The following RASGEF1B variants were observed in gnomAD, a reference collection of about 807,000 sequenced individuals.
The protein encoded by RASGEF1B is ras-GEF domain-containing family member 1B.
RASGEF1B carries 30 observed loss-of-function variants against 65.7 expected under a neutral mutation model. That is an observed-to-expected ratio of 0.46 (90% CI 0.34 to 0.62). RASGEF1B has a LOEUF of 0.62. RASGEF1B is among the 20% of genes least tolerant of loss of function. RASGEF1B has a pLI of 0.01. For synonymous variants in RASGEF1B, 175 were observed against 194.8 expected, an observed-to-expected ratio of 0.90 and a Z score of 0.85; for missense variants, 495 against 580.1, an observed-to-expected ratio of 0.85 and a Z score of 1.51.
intron 1 of RASGEF1B, among the ~76,000 whole-genome samples, chr4:81,466,629 G>T (rs2109999137): frequency 6.6e-6 from 1 of 151,404 alleles, no homozygotes; most frequent in East Asian, 1.9e-4. Flanking sequence ...CGTGGTGGCG[G>T]GTGCCTGTAG....
chr4:81,429,365 T>C (rs1721337474), intron 13 of RASGEF1B, among the ~76,000 whole-genome samples: 1 of 152,192 alleles, frequency 6.6e-6, no homozygotes, highest in Non-Finnish European at 1.5e-5. Flanking sequence ...AACTGTCTTT[T>C]ATACCAAAGA....
At chr4:81,457,976 T>C (rs1722506259) in intron 2 of RASGEF1B, among the ~76,000 whole-genome samples, 1 of 152,190 alleles carries the variant, frequency 6.6e-6, no homozygotes, top group African/African-American at 2.4e-5. Flanking sequence ...TACTTGAATA[T>C]ACTACCCATA....
rs753056411 is a variant in RASGEF1B at position 81,457,488 on chromosome 4, T to C, written c.300+11A>G. The C allele has an allele frequency of 1.2e-5, 20 of 1,611,452 alleles. No individual in the cohort carries two copies. Among genetic ancestry groups the C allele is most frequent in the South Asian group, 2.2e-5 (2 of 90,400 alleles). On this transcript the variant is annotated intron_variant, in intron 3 of 13. Transcript: ENST00000264400. ...GCATTCCTAATAAAACAAATTGTAA[T>C]GTACCATTACCTTATCACTATCAGG...
intron 4 of RASGEF1B, chr4:81,454,512 G>C (rs568433647): frequency 1.3e-5 from 2 of 152,298 alleles, no homozygotes; most frequent in African/African-American, 4.8e-5. Flanking sequence ...AGCAGCTTCA[G>C]ATACATAAAC....
At chr4:81,451,026 T>G (rs2109984529) in intron 4 of RASGEF1B, 1 of 152,338 alleles carries the variant, frequency 6.6e-6, no homozygotes, top group South Asian at 2.1e-4. Context: ...AATAAACACC[T>G]TCTTGGAGAT....
Position 81,442,330 on chromosome 4 carries a change from G to A in RASGEF1B, c.975C>T (p.Ala325=). 1 of 1,613,216 alleles carries A rather than the reference G, an allele frequency of 6.2e-7. No homozygotes were observed. The highest frequency in any genetic ancestry group is 8.5e-7 in the Non-Finnish European group (1 of 1,179,274). ...TGTCAAATTTTGCAGTCTTCACTTT[G>A]GCCCAAGTTTTTTTTAGTCGAGAGA... ...SPVSRLKKTW[A]KVKTAKFDIL... Residue 325 remains alanine, a synonymous_variant, in exon 9 of 14, where the codon GCC becomes GCT. Transcript: ENST00000264400.
At position 81,433,882 on chromosome 4, in the gene RASGEF1B, T is replaced by G; in HGVS notation, c.1282A>C (p.Ile428Leu). 1.2e-6 allele frequency: 2 copies of G among 1,614,114 alleles called. No individual in the cohort carries two copies. The highest frequency in any genetic ancestry group is 1.7e-6 in the Non-Finnish European group (2 of 1,179,986). ...GGTACTGTGAGCAGATACTGCAAGA[T>G]CTTCCGGTCCCTCTCAAATGGACAC... is the stretch of plus-strand genomic sequence containing the variant. Reference protein sequence around the residue: ...VECPFERDRKILQYLLTVPVF... With the variant: ...VECPFERDRKLLQYLLTVPVF... The change falls in exon 12 of 14, where the codon ATC becomes CTC. Residue 428 changes from isoleucine to leucine, a missense_variant. Physicochemically the swap from Ile to Leu is conservative, Grantham distance 5 (BLOSUM62 2). Coordinates refer to ENST00000264400, the MANE Select transcript of RASGEF1B (RefSeq NM_152545.3).
intron 13 of RASGEF1B, among the ~76,000 whole-genome samples, chr4:81,431,932 T>C (rs1337440975): frequency 1.3e-5 from 2 of 152,220 alleles, no homozygotes; most frequent in East Asian, 3.8e-4. Context: ...TACTTCTTTC[T>C]TTATCTCAGG....
chr4:81,445,816 T>C lies in RASGEF1B; in HGVS notation c.752A>G (p.Lys251Arg), dbSNP rs747905802. The stretch of plus-strand genomic sequence containing the variant: ...CACGTAAGCTTCTAAGTTTCGTGTT[T>C]TCTTCCGTTCACTGTAGCAACTCTT... ...NDKSCYSERK[K>R]TRNLEAYVEW... The change falls in exon 7 of 14, where the codon AAA (lysine) becomes AGA (arginine). Residue 251 changes from lysine to arginine, a missense_variant. By Grantham distance (26) the Lys-to-Arg change is conservative. Coordinates refer to ENST00000264400, the MANE Select transcript of RASGEF1B (RefSeq NM_152545.3). 5 of 1,614,046 alleles carry C rather than the reference T, an allele frequency of 3.1e-6. 1 individual carries two copies. The highest frequency in any genetic ancestry group is 3.3e-4 in the Middle Eastern group (2 of 6,062).
Position 81,445,824 on chromosome 4 carries a change from T to C in RASGEF1B, c.744A>G (p.Glu248=), listed in dbSNP as rs1170511353. 3.7e-6 allele frequency: 6 copies of C among 1,613,572 alleles called. No homozygotes were observed. The highest frequency in any genetic ancestry group is 5.1e-6 in the Non-Finnish European group (6 of 1,179,626). ...CTTCTAAGTTTCGTGTTTTCTTCCGTTCACTGTAGCAACTCTTTAGAGAAA... is the reference window on the plus strand; with the variant it reads ...CTTCTAAGTTTCGTGTTTTCTTCCGCTCACTGTAGCAACTCTTTAGAGAAA... ...PLDNDKSCYS[E]RKKTRNLEAY... is the part of the protein sequence containing the mutation. The change falls in exon 7 of 14, where the codon GAA becomes GAG. Residue 248 remains glutamate (E), a synonymous_variant. Transcript: ENST00000264400.
intron 4 of RASGEF1B, among the ~76,000 whole-genome samples, chr4:81,448,869 C>G (rs1409040095): frequency 1.3e-5 from 2 of 152,084 alleles, no homozygotes; most frequent in African/African-American, 4.8e-5. Context: ...GGCTGGAGTG[C>G]AGTGACGTGA....
At chr4:81,455,820 C>T (rs1722423979) in intron 4 of RASGEF1B, 1 of 152,262 alleles carries the variant, frequency 6.6e-6, no homozygotes. Flanking sequence ...TCTACCTATA[C>T]TAGAGTCTAT....
intron 4 of RASGEF1B, chr4:81,452,563 G>A (rs370639696): frequency 3.3e-5 from 5 of 152,238 alleles, no homozygotes; most frequent in African/African-American, 1.2e-4. Context: ...GTGAGCATGT[G>A]AGAGAGTGTA....
chr4:81,437,021 A>G (rs1721652226), intron 10 of RASGEF1B, among the ~76,000 whole-genome samples: 1 of 152,202 alleles, frequency 6.6e-6, no homozygotes, highest in African/African-American at 2.4e-5. Flanking sequence ...TGTTAGAACT[A>G]AACAGCATAG....
At chr4:81,445,712 G>A in intron 7 of RASGEF1B, 31 bp downstream of exon 7, 2 of 1,596,856 alleles carry the variant, frequency 1.3e-6, no homozygotes, top group Non-Finnish European at 1.7e-6. Flanking sequence ...ATAATGTTGA[G>A]AACTAGGAGA....
intron 8 of RASGEF1B, among the ~76,000 whole-genome samples, chr4:81,445,313 T>A (rs1388499732): frequency 6.6e-6 from 1 of 152,240 alleles, no homozygotes; most frequent in Admixed American, 6.5e-5. Flanking sequence ...TAAGGTTAAC[T>A]TAAAACATTC....
chr4:81,464,757 G>C (rs190279789), intron 1 of RASGEF1B, among the ~76,000 whole-genome samples: 1 of 152,232 alleles, frequency 6.6e-6, no homozygotes, highest in East Asian at 1.9e-4. Flanking sequence ...AGTAACCTTG[G>C]TCTAACACTT....
chr4:81,455,177 C>T (rs1045000846), intron 4 of RASGEF1B: 2 of 152,270 alleles, frequency 1.3e-5, no homozygotes, highest in Non-Finnish European at 2.9e-5. Context: ...TGACTCACAC[C>T]TGTAATTCCA....
At chr4:81,435,858 G>A (rs560985509) in intron 10 of RASGEF1B, among the ~76,000 whole-genome samples, 2 of 139,958 alleles carry the variant, frequency 1.4e-5, no homozygotes, top group South Asian at 4.5e-4. Context: ...ATGGCTTACT[G>A]CAGCCTTGAA....
Sources: gnomAD v4.1 joint callset for allele counts (sites outside exome capture counted in the v4.1 genomes callset) on GRCh38, gnomAD v4.1.1 for gene constraint, MANE v1.5 for transcripts, NCBI Gene and HGNC (gene_info 2026-07-23, HGNC 2026-07-21) for gene names.